Variants in ANKS1B observed in about 807,000 individuals in gnomAD.
ANKS1B encodes ankyrin repeat and sterile alpha motif domain containing 1B, also known as ankyrin repeat and sterile alpha motif domain-containing protein 1B.
ANKS1B carries 36 observed loss-of-function variants against 148.3 expected under a neutral mutation model. The ratio of observed to expected loss-of-function variants is 0.24; its 90% CI spans 0.19 to 0.32. ANKS1B has a LOEUF of 0.32. Ranked by LOEUF, ANKS1B falls within the 10% of genes least tolerant of loss-of-function variation. The probability of loss-of-function intolerance (pLI) is 1.00; values close to 1 mark genes in which losing one functional copy is unlikely to be tolerated. For synonymous variants in ANKS1B, 542 were observed against 560.8 expected (o/e 0.97, Z 0.47); for missense variants, 1,157 against 1,542.6 (o/e 0.75, Z 4.19).
chr12:99,300,374 G>T (rs1481618566), intron 12 of ANKS1B, among the ~76,000 whole-genome samples: 1 of 151,992 alleles, frequency 6.6e-6, no homozygotes, highest in African/African-American at 2.4e-5. Context: ...TGCTACATGT[G>T]ATGTAGATGA....
At chr12:99,121,318 G>GGGGTGTGTGTGTGTGTGT (rs796549235) in intron 15 of ANKS1B, among the ~76,000 whole-genome samples, 8,549 of 105,710 alleles carry the variant, frequency 0.081, 521 homozygotes, top group Admixed American at 0.13. Flanking sequence ...TGTGTATGTA[G>GGGGTGTGTGTGTGTGTGT]GTATGTGTGT....
chr12:99,202,406 C>T (rs1477500820), intron 14 of ANKS1B, among the ~76,000 whole-genome samples: 2 of 152,218 alleles, frequency 1.3e-5, no homozygotes, highest in Admixed American at 1.3e-4. Context: ...GGCTACTTCA[C>T]AGAAAGTCCT....
At chr12:99,503,256 C>T (rs1027051953) in intron 10 of ANKS1B, among the ~76,000 whole-genome samples, 3 of 152,192 alleles carry the variant, frequency 2.0e-5, no homozygotes, top group South Asian at 2.1e-4. Flanking sequence ...CATGAGCCAT[C>T]GCTCCTGGAC....
At chr12:99,439,226 GA>G (rs1398591588) in intron 11 of ANKS1B, among the ~76,000 whole-genome samples, 3 of 151,526 alleles carry the variant, frequency 2.0e-5, no homozygotes, top group African/African-American at 7.3e-5. Context: ...AAAACTTCTA[GA>G]AAAAAGTGGG....
chr12:99,768,593 C>T (rs751013578), intron 8 of ANKS1B, among the ~76,000 whole-genome samples: 11 of 151,862 alleles, frequency 7.2e-5, no homozygotes, highest in Non-Finnish European at 1.0e-4. Flanking sequence ...TTTGGGAAGC[C>T]GAGGCAGGCA....
At chr12:99,367,104 A>T (rs1006390517) in intron 12 of ANKS1B, among the ~76,000 whole-genome samples, 5 of 152,142 alleles carry the variant, frequency 3.3e-5, no homozygotes, top group African/African-American at 1.2e-4. Flanking sequence ...ACAACCAAAA[A>T]TACTTCCAGA....
chr12:99,101,654 C>T (rs573789099), intron 15 of ANKS1B, among the ~76,000 whole-genome samples: 13 of 152,234 alleles, frequency 8.5e-5, no homozygotes, highest in Non-Finnish European at 1.9e-4. Flanking sequence ...CTCCACCTCC[C>T]GGGTTCAAGC....
chr12:98,747,339 T>C (rs1565969863), intron 26 of ANKS1B, among the ~76,000 whole-genome samples: 1 of 152,078 alleles, frequency 6.6e-6, no homozygotes, highest in Non-Finnish European at 1.5e-5. Flanking sequence ...CCAACAGGTA[T>C]AGGTAAAAAT....
At chr12:99,388,190 G>C (rs1001047976) in intron 12 of ANKS1B, among the ~76,000 whole-genome samples, 1 of 152,146 alleles carries the variant, frequency 6.6e-6, no homozygotes. Context: ...AAGTCCTGGA[G>C]GTGGGAAGCC....
At chr12:99,813,603 T>C (rs1343628536) in intron 2 of ANKS1B, among the ~76,000 whole-genome samples, 1 of 151,592 alleles carries the variant, frequency 6.6e-6, no homozygotes, top group Non-Finnish European at 1.5e-5. Context: ...TACAAAATTA[T>C]GGTAAATGGT....
At chr12:99,395,416 A>G (rs1434924920) in intron 12 of ANKS1B, among the ~76,000 whole-genome samples, 1 of 152,166 alleles carries the variant, frequency 6.6e-6, no homozygotes, top group Non-Finnish European at 1.5e-5. Flanking sequence ...AAGGAAGAGC[A>G]TCCACCTTTC....
chr12:99,301,450 C>G (rs748505936), intron 12 of ANKS1B, among the ~76,000 whole-genome samples: 2 of 152,050 alleles, frequency 1.3e-5, no homozygotes, highest in Non-Finnish European at 2.9e-5. Flanking sequence ...AAACAAAGAG[C>G]TGTTGAACAG....
At chr12:99,623,719 G>A (rs1769949334) in intron 9 of ANKS1B, among the ~76,000 whole-genome samples, 1 of 151,832 alleles carries the variant, frequency 6.6e-6, no homozygotes, top group Non-Finnish European at 1.5e-5. Context: ...ATCTCTATTA[G>A]GAAAACTATA....
chr12:99,428,342 A>T (rs1318737838), intron 11 of ANKS1B, among the ~76,000 whole-genome samples: 3 of 152,168 alleles, frequency 2.0e-5, no homozygotes, highest in Non-Finnish European at 4.4e-5. Flanking sequence ...GGAGGTGTCC[A>T]TGTGGAGCTT....
At chr12:99,858,705 A>G (rs1443112347) in intron 1 of ANKS1B, among the ~76,000 whole-genome samples, 1 of 152,186 alleles carries the variant, frequency 6.6e-6, no homozygotes, top group Non-Finnish European at 1.5e-5. Context: ...AATAAAAGGG[A>G]ACAAAATAAT....
chr12:99,059,360 G>A (rs1370067338), intron 16 of ANKS1B, among the ~76,000 whole-genome samples: 1 of 152,204 alleles, frequency 6.6e-6, no homozygotes, highest in African/African-American at 2.4e-5. Flanking sequence ...ATGAATACAT[G>A]AAGACAAAAT....
chr12:99,124,305 T>C (rs1290095278), intron 15 of ANKS1B, among the ~76,000 whole-genome samples: 3 of 152,098 alleles, frequency 2.0e-5, no homozygotes, highest in Admixed American at 1.3e-4. Flanking sequence ...CCAGTGGGAT[T>C]TGCTGATGAA....
intron 17 of ANKS1B, among the ~76,000 whole-genome samples, chr12:98,885,394 T>G (rs1358874604): frequency 6.6e-6 from 1 of 152,162 alleles, no homozygotes; most frequent in African/African-American, 2.4e-5. Context: ...TAAACAAAAT[T>G]CTGAGACTTT....
intron 15 of ANKS1B, among the ~76,000 whole-genome samples, chr12:99,146,654 C>A (rs1023407264): frequency 6.6e-6 from 1 of 152,140 alleles, no homozygotes; most frequent in Non-Finnish European, 1.5e-5. Flanking sequence ...GCTGGCTTCT[C>A]TTTAAACTAA....
Sources: allele counts gnomAD v4.1 joint callset (sites outside exome capture counted in the v4.1 genomes callset), GRCh38; gene constraint gnomAD v4.1.1; transcripts MANE v1.5; gene names NCBI Gene and HGNC (gene_info 2026-07-23, HGNC 2026-07-21).